KCNK3: variants seen among roughly 807,000 people sequenced by gnomAD.
KCNK3 encodes the protein potassium two pore domain channel subfamily K member 3.
Under a neutral mutation model 27.3 loss-of-function variants are expected in KCNK3, and 9 were observed. That is an observed-to-expected ratio of 0.33 (90% CI 0.20 to 0.57). The LOEUF is 0.57. KCNK3 is among the 20% of genes least tolerant of loss of function. KCNK3 has a pLI of 0.87. For synonymous variants in KCNK3, 278 were observed against 273.8 expected (o/e 1.02, Z -0.15); for missense variants, 391 against 577.7 (o/e 0.68, Z 3.31).
chr2:26,717,272 C>G (rs1663249598), intron 1 of KCNK3, among the ~76,000 whole-genome samples: 1 of 152,200 alleles, frequency 6.6e-6, no homozygotes, highest in African/African-American at 2.4e-5. Context: ...GGGCCTACAC[C>G]TAGGCTGGCC....
At chr2:26,727,585 G>A in intron 1 of KCNK3, 82 bp from the exon 2 acceptor site, 1 of 1,507,172 alleles carries the variant, frequency 6.6e-7, no homozygotes, top group Non-Finnish European at 8.9e-7. Flanking sequence ...GAGGTGGCGG[G>A]GCAACGGGGA....
intron 1 of KCNK3, among the ~76,000 whole-genome samples, chr2:26,698,461 T>G (rs1670262266): frequency 6.6e-6 from 1 of 150,890 alleles, no homozygotes; most frequent in Non-Finnish European, 1.5e-5. Flanking sequence ...AAAGTGGGGA[T>G]AATAATATCT....
At chr2:26,700,671 T>C (rs920089825) in intron 1 of KCNK3, among the ~76,000 whole-genome samples, 1 of 152,002 alleles carries the variant, frequency 6.6e-6, no homozygotes, top group African/African-American at 2.4e-5. Flanking sequence ...GCTAGAGAGG[T>C]CTTAGACAAA....
At chr2:26,722,409 G>A (rs1436983388) in intron 1 of KCNK3, among the ~76,000 whole-genome samples, 1 of 152,188 alleles carries the variant, frequency 6.6e-6, no homozygotes, top group African/African-American at 2.4e-5. Flanking sequence ...TGATCTCAAT[G>A]TCCTAAGCAT....
chr2:26,699,207 GAGAAAGAA>G (rs1553384397), intron 1 of KCNK3, among the ~76,000 whole-genome samples: 4,196 of 131,016 alleles, frequency 0.032, 87 homozygotes, highest in Middle Eastern at 0.052. Context: ...AGGAAAGAGA[GAGAAAGAA>G]AGAAAGAAAG....
At chr2:26,695,485 G>C (rs758149788) in intron 1 of KCNK3, among the ~76,000 whole-genome samples, 1 of 152,210 alleles carries the variant, frequency 6.6e-6, no homozygotes, top group Non-Finnish European at 1.5e-5. Flanking sequence ...GACAACTGCA[G>C]GTCTCACTGT....
intron 1 of KCNK3, among the ~76,000 whole-genome samples, chr2:26,706,247 G>T (rs952724726): frequency 1.3e-5 from 2 of 152,162 alleles, no homozygotes; most frequent in African/African-American, 4.8e-5. Context: ...AGGTGGCCAA[G>T]ACATCAGGAG....
intron 1 of KCNK3, among the ~76,000 whole-genome samples, chr2:26,699,250 A>AAGCAAGCAAGCAAGC: frequency 2.8e-5 from 4 of 142,874 alleles, no homozygotes; most frequent in African/African-American, 1.1e-4. Flanking sequence ...AGAAAGAAAG[A>AAGCAAGCAAGCAAGC]AAGCCAGCCA....
chr2:26,711,149 C>T (rs1241678661), intron 1 of KCNK3, among the ~76,000 whole-genome samples: 2 of 152,162 alleles, frequency 1.3e-5, no homozygotes, highest in Non-Finnish European at 2.9e-5. Flanking sequence ...GCAGAAGACC[C>T]CTGGGAAATT....
chr2:26,693,119 G>A lies in KCNK3; in HGVS notation c.244G>A (p.Gly82Ser), dbSNP rs2148251805. The change falls in exon 1 of 2, where the codon GGC becomes AGC. Residue 82 changes from glycine (G) to serine (S), a missense_variant. This residue lies in a region of KCNK3 where 158 missense variants were observed against 267.7 expected (regional missense o/e 0.59). Coordinates refer to ENST00000302909, the MANE Select transcript of KCNK3 (RefSeq NM_002246.3). The surrounding 1 kb of genome is among the most constrained non-coding windows in gnomAD (Gnocchi z 5.5). ...GGCCGGCGTGCAGTGGCGCTTCGCC[G>A]GCTCCTTCTACTTCGCCATCACCGT... The part of the protein sequence containing the change: ...HKAGVQWRFA[G>S]SFYFAITVIT... 1 of 1,584,000 alleles carries A rather than the reference G, an allele frequency of 6.3e-7. No homozygotes were observed.
intron 1 of KCNK3, among the ~76,000 whole-genome samples, chr2:26,702,807 C>T (rs868639904): frequency 2.6e-5 from 4 of 152,042 alleles, no homozygotes; most frequent in Non-Finnish European, 4.4e-5. Flanking sequence ...GAGATCCATA[C>T]GGCAGGCCAT....
At chr2:26,714,331 C>T (rs926941191) in intron 1 of KCNK3, among the ~76,000 whole-genome samples, 1 of 150,664 alleles carries the variant, frequency 6.6e-6, no homozygotes, top group Non-Finnish European at 1.5e-5. Flanking sequence ...GCAGGCGACA[C>T]ACCCAATCTT....
intron 1 of KCNK3, among the ~76,000 whole-genome samples, chr2:26,706,126 T>C (rs923826902): frequency 6.6e-6 from 1 of 152,186 alleles, no homozygotes; most frequent in African/African-American, 2.4e-5. Flanking sequence ...GCTGGGCCAC[T>C]CACCAGCTGC....
At chr2:26,722,086 G>A (rs1054577487) in intron 1 of KCNK3, among the ~76,000 whole-genome samples, 4 of 152,202 alleles carry the variant, frequency 2.6e-5, no homozygotes, top group African/African-American at 7.2e-5. Context: ...AGTGCTCCAC[G>A]GTCAAGGAAG....
intron 1 of KCNK3, among the ~76,000 whole-genome samples, chr2:26,723,916 G>A (rs548646312): frequency 6.6e-6 from 1 of 152,350 alleles, no homozygotes; most frequent in East Asian, 1.9e-4. Flanking sequence ...CAGAGAGTCA[G>A]CCACACAGAA....
chr2:26,700,200 T>C (rs1670290152), intron 1 of KCNK3, among the ~76,000 whole-genome samples: 1 of 152,254 alleles, frequency 6.6e-6, no homozygotes. Context: ...GAGCTGGGCA[T>C]AGAGCCCTGT....
chr2:26,695,087 G>C (rs1670218436), intron 1 of KCNK3, among the ~76,000 whole-genome samples: 2 of 152,094 alleles, frequency 1.3e-5, no homozygotes, highest in Non-Finnish European at 2.9e-5. Context: ...TCCATACCTG[G>C]CTCCAACCTC....
At position 26,715,811 on chromosome 2, in the gene KCNK3, C is replaced by A. The variant is rs561206312; in HGVS notation, c.284-11856C>A. 5.3e-5 allele frequency among the ~76,000 whole-genome samples: 8 copies of A among 152,356 alleles called. No homozygotes were observed. The South Asian group carries it at 1.7e-3, about 32-fold the overall frequency. On this transcript the variant is annotated intron_variant, in intron 1 of 1. Transcript: ENST00000302909. The stretch of plus-strand genomic sequence containing the variant: ...GGCCCCAGGTCCCTCACCCTCTCCA[C>A]AGCATCTGATCAGTGCCCACCAGGA...
At chr2:26,717,754 C>G (rs930327760) in intron 1 of KCNK3, among the ~76,000 whole-genome samples, 13 of 152,356 alleles carry the variant, frequency 8.5e-5, no homozygotes, top group African/African-American at 3.1e-4. Flanking sequence ...CCCAGGACCC[C>G]CAGGATAACT....
Sources: allele counts gnomAD v4.1 joint callset (sites outside exome capture counted in the v4.1 genomes callset), GRCh38; gene constraint gnomAD v4.1.1; regional missense constraint gnomAD v4.1.1; non-coding constraint Gnocchi (gnomAD v3.1); transcripts MANE v1.5; gene names NCBI Gene and HGNC (gene_info 2026-07-23, HGNC 2026-07-21).